Variants in MANBA observed in about 807,000 individuals in gnomAD.
The protein encoded by MANBA is mannosidase beta.
MANBA carries 83 observed loss-of-function variants against 111.1 expected under a neutral mutation model. The observed-to-expected ratio is 0.75, with a 90% confidence interval of 0.63 to 0.90. MANBA has a LOEUF of 0.90. Among genes scored for constraint, MANBA ranks in the 40% least tolerant of loss-of-function variants. MANBA has a pLI of 0.00. For synonymous variants in MANBA, 370 were observed against 378.7 expected, an observed-to-expected ratio of 0.98 and a Z score of 0.27; for missense variants, 1,036 against 1,069.0, an observed-to-expected ratio of 0.97 and a Z score of 0.43.
At chr4:102,717,426 T>C (rs1337757183) in intron 4 of MANBA, among the ~76,000 whole-genome samples, 2 of 140,720 alleles carry the variant, frequency 1.4e-5, no homozygotes, top group Non-Finnish European at 3.1e-5. Flanking sequence ...GGCAGGAACT[T>C]TTTTTTTTTT....
chr4:102,638,560 C>A (rs1181836761), intron 14 of MANBA, among the ~76,000 whole-genome samples: 1 of 152,154 alleles, frequency 6.6e-6, no homozygotes, highest in Non-Finnish European at 1.5e-5. Context: ...AAATTGGGCT[C>A]TCCCATTTCT....
chr4:102,727,642 G>A, intron 1 of MANBA: 4 of 1,509,170 alleles, frequency 2.7e-6, no homozygotes, highest in Admixed American at 3.4e-5. Context: ...TTCCCATTGT[G>A]TTTCACAGTC....
intron 12 of MANBA, chr4:102,650,923 C>T: frequency 2.0e-6 from 1 of 511,688 alleles, no homozygotes; most frequent in Non-Finnish European, 3.5e-6. Flanking sequence ...GTACATATAT[C>T]CTCCCTTCCT....
rs534655479 is a variant in MANBA at position 102,677,175 on chromosome 4, G to A, written c.961-3105C>T. 2.6e-5 allele frequency among the ~76,000 whole-genome samples: 4 copies of A among 152,272 alleles called. No individual in the cohort carries two copies. In the South Asian group the frequency reaches 6.2e-4, roughly 24 times the overall value. ...TAGAAAGAAGGACTGACAGACAAACGATGGTTATTCAGACTTGGATACCTG... is the reference window on the plus strand; with the variant it reads ...TAGAAAGAAGGACTGACAGACAAACAATGGTTATTCAGACTTGGATACCTG... On this transcript the variant is annotated intron_variant, in intron 7 of 16. Transcript: ENST00000647097.
chr4:102,743,266 G>A (rs1249168307), intron 1 of MANBA, among the ~76,000 whole-genome samples: 1 of 152,148 alleles, frequency 6.6e-6, no homozygotes, highest in Non-Finnish European at 1.5e-5. Context: ...TGACCACCCA[G>A]CCAAACCATT....
At chr4:102,671,520 G>A in intron 8 of MANBA, 122 bp from the exon 9 acceptor site, 1 of 683,506 alleles carries the variant, frequency 1.5e-6, no homozygotes, top group Non-Finnish European at 2.6e-6. Context: ...TGGTTACAAT[G>A]TAAATTAAAG....
At chr4:102,745,047 C>A (rs1051613698) in intron 1 of MANBA, among the ~76,000 whole-genome samples, 1 of 152,052 alleles carries the variant, frequency 6.6e-6, no homozygotes, top group African/African-American at 2.4e-5. Flanking sequence ...GGAAGTCAGA[C>A]CTGTAAGTCA....
At chr4:102,701,729 G>A (rs1400380355) in intron 5 of MANBA, among the ~76,000 whole-genome samples, 12 of 149,616 alleles carry the variant, frequency 8.0e-5, no homozygotes, top group East Asian at 2.0e-4. Flanking sequence ...TGAGAGATCC[G>A]CTGTTAGTCT....
At chr4:102,640,727 T>C (rs1424700163) in intron 13 of MANBA, among the ~76,000 whole-genome samples, 2 of 152,068 alleles carry the variant, frequency 1.3e-5, no homozygotes, top group South Asian at 2.1e-4. Context: ...ATGGTGCATA[T>C]GGCCACCAAA....
intron 1 of MANBA, chr4:102,730,319 T>A: frequency 1.8e-6 from 1 of 546,394 alleles, no homozygotes; most frequent in Non-Finnish European, 3.3e-6. Context: ...CTTAGATTTA[T>A]CCACATTTCT....
chr4:102,686,742 C>A (rs1732233209), intron 7 of MANBA, among the ~76,000 whole-genome samples: 1 of 152,166 alleles, frequency 6.6e-6, no homozygotes, highest in South Asian at 2.1e-4. Context: ...ACCTCGTCAA[C>A]CATTCCTTCT....
intron 7 of MANBA, among the ~76,000 whole-genome samples, chr4:102,675,401 T>C (rs1162852484): frequency 6.6e-6 from 1 of 152,204 alleles, no homozygotes; most frequent in African/African-American, 2.4e-5. Context: ...GTTTATGGTA[T>C]GAAGCAGTGC....
chr4:102,722,271 C>T lies in MANBA; in HGVS notation c.549+600G>A, dbSNP rs186835523. On this transcript the variant is annotated intron_variant, in intron 4 of 16. Coordinates refer to ENST00000647097, the MANE Select transcript of MANBA (RefSeq NM_005908.4). ...TTATTAAAGTGATAAATTTTATGTA[C>T]AGTTTATACAATTAAAATTTTTAAA... The T allele has an allele frequency of 4.0e-3, 618 of 155,288 alleles. 4 individuals carry two copies. The highest frequency in any genetic ancestry group is 7.0e-3 in the Non-Finnish European group (488 of 70,014). The allele number at this position is 155,288 out of a possible 1,614,324, so 9.6% of individuals were successfully genotyped here.
intron 13 of MANBA, among the ~76,000 whole-genome samples, chr4:102,649,694 TTCTC>T (rs1227995746): frequency 6.6e-6 from 1 of 152,174 alleles, no homozygotes; most frequent in Non-Finnish European, 1.5e-5. Context: ...GGCTTGCCTT[TTCTC>T]TCTCTTAATG....
chr4:102,748,028 A>G (rs1723648715), intron 1 of MANBA, among the ~76,000 whole-genome samples: 1 of 152,210 alleles, frequency 6.6e-6, no homozygotes, highest in Non-Finnish European at 1.5e-5. Context: ...GTCAGAGGAG[A>G]TCACACTTGC....
chr4:102,743,383 T>G (rs1723479122), intron 1 of MANBA, among the ~76,000 whole-genome samples: 2 of 152,190 alleles, frequency 1.3e-5, no homozygotes, highest in African/African-American at 4.8e-5. Context: ...CTGAGAAGAT[T>G]TCCCTTCACT....
intron 5 of MANBA, 49 bp downstream of exon 5, chr4:102,714,389 T>A (rs1346805951): frequency 6.5e-7 from 1 of 1,543,080 alleles, no homozygotes; most frequent in Non-Finnish European, 8.9e-7. Context: ...ACCCAATTTT[T>A]ATAACAAGAA....
At chr4:102,660,723 G>A (rs1730900207) in intron 11 of MANBA, among the ~76,000 whole-genome samples, 1 of 150,486 alleles carries the variant, frequency 6.6e-6, no homozygotes, top group African/African-American at 2.4e-5. Flanking sequence ...CCAAGTCACT[G>A]GGGTTACAGG....
intron 12 of MANBA, 48 bp from the exon 13 acceptor site, chr4:102,650,749 A>T (rs375432609): frequency 1.5e-5 from 22 of 1,497,680 alleles, no homozygotes; most frequent in Admixed American, 1.2e-4. Flanking sequence ...TGGCAGTAAA[A>T]CTACTTTTCT....
Sources: allele counts gnomAD v4.1 joint callset (sites outside exome capture counted in the v4.1 genomes callset), GRCh38; gene constraint gnomAD v4.1.1; transcripts MANE v1.5; gene names NCBI Gene and HGNC (gene_info 2026-07-23, HGNC 2026-07-21).